NDUFAF6: variants seen among roughly 807,000 people sequenced by gnomAD.
The protein encoded by NDUFAF6 is NADH dehydrogenase (ubiquinone) complex I, assembly factor 6.
In NDUFAF6, 45 loss-of-function variants were observed where a neutral mutation model predicts 40.8. That is an observed-to-expected ratio of 1.10 (90% CI 0.87 to 1.42). The LOEUF is 1.42. Ranked by LOEUF, NDUFAF6 falls within the 40% of genes most tolerant of loss-of-function variation. The pLI is 0.00. For missense variants in NDUFAF6, 435 were observed against 418.5 expected, an observed-to-expected ratio of 1.04 and a Z score of -0.34; for synonymous variants, 185 against 155.9, an observed-to-expected ratio of 1.19 and a Z score of -1.39.
At chr8:95,003,101 C>A (rs1826809177) in intron 2 of NDUFAF6, among the ~76,000 whole-genome samples, 1 of 152,110 alleles carries the variant, frequency 6.6e-6, no homozygotes, top group South Asian at 2.1e-4. Flanking sequence ...ACAATTATAG[C>A]CAGAGGGCCC....
intron 1 of NDUFAF6, among the ~76,000 whole-genome samples, chr8:94,904,881 A>G (rs986759461): frequency 1.3e-5 from 2 of 152,012 alleles, no homozygotes; most frequent in African/African-American, 4.8e-5. Flanking sequence ...TAAAAAAAAA[A>G]TCATAATAGA....
upstream of NDUFAF6, among the ~76,000 whole-genome samples, chr8:94,953,570 C>T (rs990042491): frequency 1.4e-4 from 21 of 152,190 alleles, no homozygotes; most frequent in Admixed American, 1.3e-3. Context: ...TTGTAACTCC[C>T]GCTGCCAAAG....
At chr8:95,065,020 G>A (rs1043008099) in intron 9 of NDUFAF6, among the ~76,000 whole-genome samples, 1 of 152,188 alleles carries the variant, frequency 6.6e-6, no homozygotes, top group Admixed American at 6.5e-5. Context: ...CCTGGAGGGT[G>A]GAGCTCCCAG....
downstream of NDUFAF6, among the ~76,000 whole-genome samples, chr8:95,105,934 C>T (rs1403600836): frequency 2.0e-5 from 3 of 152,060 alleles, no homozygotes; most frequent in Non-Finnish European, 4.4e-5. Context: ...CCTTGCCTGG[C>T]CTAGGGGCAA....
chr8:95,094,750 TC>T (rs1413667863), intron 2 of NDUFAF6, among the ~76,000 whole-genome samples: 11,620 of 43,346 alleles, frequency 0.27, 614 homozygotes, highest in African/African-American at 0.37. Flanking sequence ...TTCTTCTTCT[TC>T]TTTTTTTTTT....
downstream of NDUFAF6, among the ~76,000 whole-genome samples, chr8:95,059,636 G>A (rs1832517410): frequency 6.6e-6 from 1 of 152,058 alleles, no homozygotes; most frequent in Non-Finnish European, 1.5e-5. Context: ...ATCACCTGAG[G>A]TCACGAGTTC....
Position 95,034,266 on chromosome 8 carries a change from C to A in NDUFAF6, c.298-1188C>A, listed in dbSNP as rs1277335163. 8.0e-5 allele frequency: 24 copies of A among 300,794 alleles called. No homozygotes were observed. In the East Asian group the frequency reaches 1.9e-3, roughly 23 times the overall value. 18.6% of individuals were successfully genotyped at this position (300,794 alleles called of 1,614,324 possible). ...CTTGACTATATCATGACCCTTATCG[C>A]TATAAACTTGATTGTGTGTCTCATA... On this transcript the variant is annotated intron_variant, in intron 2 of 8. Transcript: ENST00000396124.
intron 1 of NDUFAF6, among the ~76,000 whole-genome samples, chr8:94,923,299 A>G (rs1033783143): frequency 6.6e-6 from 1 of 152,188 alleles, no homozygotes. Context: ...AAACTGTCCA[A>G]CAGAACCTTT....
intron 1 of NDUFAF6, among the ~76,000 whole-genome samples, chr8:94,965,274 A>G (rs1656055531): frequency 6.6e-6 from 1 of 152,196 alleles, no homozygotes; most frequent in African/African-American, 2.4e-5. Context: ...CAGTATACAC[A>G]CATTCCAACA....
chr8:95,052,055 C>A, intron 7 of NDUFAF6, 119 bp from the exon 8 acceptor site: 1 of 892,078 alleles, frequency 1.1e-6, no homozygotes, highest in Non-Finnish European at 1.9e-6. Flanking sequence ...AGGAGATGAG[C>A]TGTTTTCTTG....
chr8:95,086,205 C>T (rs1283656363), intron 2 of NDUFAF6, among the ~76,000 whole-genome samples: 2 of 152,196 alleles, frequency 1.3e-5, no homozygotes, highest in Non-Finnish European at 2.9e-5. Context: ...GAATAAAAAT[C>T]ACCTCAAACT....
At chr8:94,912,969 C>T (rs1818889829) in intron 1 of NDUFAF6, among the ~76,000 whole-genome samples, 1 of 152,206 alleles carries the variant, frequency 6.6e-6, no homozygotes, top group Non-Finnish European at 1.5e-5. Context: ...CAAAGCGAGA[C>T]TCCATCTCAA....
chr8:95,024,687 T>C (rs567866105), upstream of NDUFAF6, among the ~76,000 whole-genome samples: 1 of 152,082 alleles, frequency 6.6e-6, no homozygotes, highest in East Asian at 1.9e-4. Context: ...CGGGGCGTGA[T>C]TTTGGCAGCT....
At chr8:95,071,161 T>G (rs375170729) in intron 9 of NDUFAF6, among the ~76,000 whole-genome samples, 1 of 150,630 alleles carries the variant, frequency 6.6e-6, no homozygotes, top group Admixed American at 6.6e-5. Context: ...GAGGCTGAGG[T>G]GGGCGGATCA....
At chr8:95,092,382 A>C (rs550268666) in intron 2 of NDUFAF6, among the ~76,000 whole-genome samples, 1 of 151,708 alleles carries the variant, frequency 6.6e-6, no homozygotes, top group South Asian at 2.1e-4. Context: ...AGGTTTCACC[A>C]TGTTGGACAG....
chr8:95,078,833 A>T (rs1178058604), downstream of NDUFAF6, among the ~76,000 whole-genome samples: 1 of 151,566 alleles, frequency 6.6e-6, no homozygotes, highest in African/African-American at 2.4e-5. Flanking sequence ...GGTTTCTTTC[A>T]CTTTGCAGTG....
At position 95,025,205 on chromosome 8, in the gene NDUFAF6, G is replaced by T. The variant is rs1827949065; in HGVS notation, c.197G>T (p.Arg66Leu). The change falls in exon 1 of 9, where the codon CGG becomes CTG. Residue 66 changes from arginine to leucine, a missense_variant and splice_region_variant. By Grantham distance (102) the Arg-to-Leu change is moderately radical (BLOSUM62 -2). Coordinates refer to ENST00000396124, the MANE Select transcript of NDUFAF6 (RefSeq NM_152416.4). Reference sequence around the variant, plus strand: ...GACCACTACTGCCTGGAGCTGCTGCGGTGAGCGAGCACGACCTTCCCTGGC... The same window carrying T: ...GACCACTACTGCCTGGAGCTGCTGCTGTGAGCGAGCACGACCTTCCCTGGC... ...GTDHYCLELL[R>L]KRDYEGYLCS... 2.1e-6 allele frequency: 3 copies of T among 1,428,422 alleles called. No individual in the cohort carries two copies. Among genetic ancestry groups the T allele is most frequent in the African/African-American group, 1.5e-5 (1 of 66,610 alleles). The allele number at this position is 1,428,422 out of a possible 1,614,324, so 88.5% of individuals were successfully genotyped here.
intron 1 of NDUFAF6, among the ~76,000 whole-genome samples, chr8:94,909,971 C>T (rs1177694571): frequency 1.3e-5 from 2 of 151,814 alleles, no homozygotes; most frequent in Admixed American, 6.6e-5. Flanking sequence ...ATCAGAGGCC[C>T]CTGAAAACTA....
At chr8:94,991,376 T>C (rs955593733) in intron 2 of NDUFAF6, among the ~76,000 whole-genome samples, 18 of 152,224 alleles carry the variant, frequency 1.2e-4, no homozygotes, top group Admixed American at 3.9e-4. Context: ...TGAGTGATGC[T>C]GCAGCGTGAA....
Sources: gnomAD v4.1 joint callset for allele counts (sites outside exome capture counted in the v4.1 genomes callset) on GRCh38, gnomAD v4.1.1 for gene constraint, MANE v1.5 for transcripts, NCBI Gene and HGNC (gene_info 2026-07-23, HGNC 2026-07-21) for gene names.